The following PTPRD variants were observed in gnomAD, a reference collection of about 807,000 sequenced individuals.
The protein encoded by PTPRD is protein tyrosine phosphatase receptor type D, also known as receptor-type tyrosine-protein phosphatase delta.
Under a neutral mutation model 214.5 loss-of-function variants are expected in PTPRD, and 34 were observed. The observed-to-expected ratio is 0.16, with a 90% confidence interval of 0.12 to 0.21. PTPRD has a LOEUF of 0.21. PTPRD is among the 10% of genes least tolerant of loss of function. The probability of loss-of-function intolerance (pLI) is 1.00; values close to 1 mark genes in which losing one functional copy is unlikely to be tolerated. For synonymous variants in PTPRD, 1,128 were observed against 845.7 expected (o/e 1.33, Z -5.79); for missense variants, 2,545 against 2,398.7 (o/e 1.06, Z -1.27).
At chr9:9,589,122 T>A (rs585685) in intron 7 of PTPRD, among the ~76,000 whole-genome samples, 3 of 151,948 alleles carry the variant, frequency 2.0e-5, no homozygotes, top group Non-Finnish European at 4.4e-5. Context: ...TGGAGAAATA[T>A]TTGTTTCTAA....
chr9:9,594,052 T>C (rs2093035343), intron 7 of PTPRD, among the ~76,000 whole-genome samples: 1 of 152,078 alleles, frequency 6.6e-6, no homozygotes, highest in Non-Finnish European at 1.5e-5. Flanking sequence ...GAGGCAGTGA[T>C]TAAAATTCTA....
At chr9:8,888,755 A>G (rs761227808) in intron 11 of PTPRD, among the ~76,000 whole-genome samples, 1 of 152,210 alleles carries the variant, frequency 6.6e-6, no homozygotes, top group Non-Finnish European at 1.5e-5. Flanking sequence ...GTCATGAGTG[A>G]GAAACACAAT....
intron 8 of PTPRD, among the ~76,000 whole-genome samples, chr9:9,500,067 G>A (rs887629083): frequency 9.2e-5 from 14 of 152,062 alleles, no homozygotes; most frequent in African/African-American, 3.4e-4. Flanking sequence ...TTCTTTGAAT[G>A]GGCTGTAAAA....
chr9:8,639,580 T>C (rs772412718), intron 12 of PTPRD, among the ~76,000 whole-genome samples: 3 of 152,206 alleles, frequency 2.0e-5, no homozygotes, highest in Non-Finnish European at 4.4e-5. Context: ...TAAAGAAAAC[T>C]AGAAGTAGGA....
At chr9:9,198,869 C>T (rs1169323244) in intron 9 of PTPRD, among the ~76,000 whole-genome samples, 1 of 152,096 alleles carries the variant, frequency 6.6e-6, no homozygotes, top group African/African-American at 2.4e-5. Context: ...TAATTGGCTC[C>T]TACATGCATC....
intron 3 of PTPRD, among the ~76,000 whole-genome samples, chr9:10,146,346 T>C (rs2099022972): frequency 6.6e-6 from 1 of 152,062 alleles, no homozygotes; most frequent in Admixed American, 6.6e-5. Flanking sequence ...TAAGGATACA[T>C]GGTTAATAAG....
chr9:9,725,743 G>A (rs747889900), intron 7 of PTPRD, among the ~76,000 whole-genome samples: 1 of 152,088 alleles, frequency 6.6e-6, no homozygotes, highest in East Asian at 1.9e-4. Context: ...AGTTTTCTGT[G>A]GTGACAAATA....
intron 8 of PTPRD, among the ~76,000 whole-genome samples, chr9:9,426,858 A>C (rs1185114864): frequency 6.6e-6 from 1 of 152,136 alleles, no homozygotes; most frequent in Non-Finnish European, 1.5e-5. Context: ...GACTGTTAGA[A>C]GGAAAACTAA....
chr9:10,592,154 A>C (rs2075614488), intron 2 of PTPRD, among the ~76,000 whole-genome samples: 1 of 152,024 alleles, frequency 6.6e-6, no homozygotes, highest in Non-Finnish European at 1.5e-5. Flanking sequence ...TTGCCAAAAC[A>C]TCCTAGGAAT....
intron 5 of PTPRD, among the ~76,000 whole-genome samples, chr9:9,833,686 G>GGA (rs1555186506): frequency 0.069 from 10,259 of 148,674 alleles, 1,358 homozygotes; most frequent in African/African-American, 0.24. Flanking sequence ...TCCGGAGAGG[G>GGA]GGGCAGTTCA....
At chr9:9,062,443 T>C (rs1181683199) in intron 10 of PTPRD, among the ~76,000 whole-genome samples, 1 of 152,086 alleles carries the variant, frequency 6.6e-6, no homozygotes, top group Non-Finnish European at 1.5e-5. Flanking sequence ...GTTTCTCAAT[T>C]CCTTTTCAGT....
intron 11 of PTPRD, among the ~76,000 whole-genome samples, chr9:8,911,398 C>CTGTG (rs141803185): frequency 5.6e-5 from 8 of 143,672 alleles, no homozygotes; most frequent in African/African-American, 1.0e-4. Context: ...ATGTGTGTGT[C>CTGTG]TGTGTGTGTG....
intron 3 of PTPRD, among the ~76,000 whole-genome samples, chr9:10,221,371 T>G (rs536384854): frequency 2.0e-5 from 3 of 152,146 alleles, no homozygotes; most frequent in Admixed American, 2.0e-4. Context: ...TGGAAAAAAT[T>G]AGACTAAAAA....
chr9:9,043,239 A>T (rs10977450), intron 10 of PTPRD, among the ~76,000 whole-genome samples: 31,194 of 151,984 alleles, frequency 0.21, 3,318 homozygotes, highest in East Asian at 0.37. Context: ...TAATTAGTAC[A>T]TCTCCTCTTT....
intron 3 of PTPRD, among the ~76,000 whole-genome samples, chr9:10,103,962 T>C (rs1401296510): frequency 6.6e-6 from 1 of 151,754 alleles, no homozygotes; most frequent in Non-Finnish European, 1.5e-5. Flanking sequence ...GGTATATCCA[T>C]ACAACGGAAA....
intron 5 of PTPRD, 119 bp from the exon 6 acceptor site, chr9:9,766,970 T>C (rs999306504): frequency 1.3e-5 from 2 of 152,228 alleles, no homozygotes; most frequent in South Asian, 2.1e-4. Context: ...GCTCATATTG[T>C]GTATCTTCCC....
intron 11 of PTPRD, among the ~76,000 whole-genome samples, chr9:8,913,317 A>T (rs1270813530): frequency 6.6e-6 from 1 of 151,986 alleles, no homozygotes; most frequent in African/African-American, 2.4e-5. Flanking sequence ...TTGCCTTTGG[A>T]GTTACTATTT....
chr9:9,777,670 G>A (rs993788375), intron 5 of PTPRD, among the ~76,000 whole-genome samples: 2 of 152,090 alleles, frequency 1.3e-5, no homozygotes, highest in Admixed American at 1.3e-4. Flanking sequence ...GCACTGTAGT[G>A]TGCGCAACAG....
At chr9:9,945,656 G>C (rs371530321) in intron 4 of PTPRD, among the ~76,000 whole-genome samples, 1 of 152,102 alleles carries the variant, frequency 6.6e-6, no homozygotes, top group East Asian at 1.9e-4. Context: ...AATTGGAGGA[G>C]GATGCTGGAT....
Sources: allele counts gnomAD v4.1 joint callset (sites outside exome capture counted in the v4.1 genomes callset), GRCh38; gene constraint gnomAD v4.1.1; transcripts MANE v1.5; gene names NCBI Gene and HGNC (gene_info 2026-07-23, HGNC 2026-07-21).